UBE2G1: variants seen among roughly 807,000 people sequenced by gnomAD.
The protein encoded by UBE2G1 is ubiquitin-conjugating enzyme E2 G1.
UBE2G1 carries 5 observed loss-of-function variants against 22.7 expected under a neutral mutation model. That is an observed-to-expected ratio of 0.22 (90% CI 0.12 to 0.46). UBE2G1 has a LOEUF of 0.46. UBE2G1 is among the 20% of genes least tolerant of loss of function. The pLI is 0.99. For synonymous variants in UBE2G1, 74 were observed against 67.5 expected (o/e 1.10, Z -0.47); for missense variants, 88 against 203.9 (o/e 0.43, Z 3.46).
intron 3 of UBE2G1, among the ~76,000 whole-genome samples, chr17:4,290,959 C>T (rs1418741779): frequency 3.3e-5 from 5 of 152,114 alleles, no homozygotes; most frequent in African/African-American, 1.2e-4. Context: ...AGGCAAGGCC[C>T]GTGCCTTCAA....
chr17:4,338,755 A>G (rs976678930), intron 1 of UBE2G1, among the ~76,000 whole-genome samples: 2 of 152,228 alleles, frequency 1.3e-5, no homozygotes, highest in African/African-American at 4.8e-5. Context: ...GAGAGTCAAA[A>G]TATTTAACAG....
intron 4 of UBE2G1, among the ~76,000 whole-genome samples, chr17:4,284,180 C>A (rs1447589747): frequency 6.9e-6 from 1 of 145,114 alleles, no homozygotes; most frequent in Non-Finnish European, 1.5e-5. Flanking sequence ...AAAAAGAGGG[C>A]CTGAAAATAG....
At chr17:4,310,468 C>T (rs1046231015) in intron 1 of UBE2G1, among the ~76,000 whole-genome samples, 35 of 152,254 alleles carry the variant, frequency 2.3e-4, no homozygotes, top group Non-Finnish European at 4.6e-4. Context: ...AGAATCTGAA[C>T]CCTACTTTAG....
At chr17:4,357,488 C>G (rs1262135974) in intron 1 of UBE2G1, among the ~76,000 whole-genome samples, 1 of 92,632 alleles carries the variant, frequency 1.1e-5, no homozygotes, top group South Asian at 4.2e-4. Context: ...TGTCATCACT[C>G]GGTTGTGTGT....
chr17:4,354,552 G>T (rs1969883000), intron 1 of UBE2G1, among the ~76,000 whole-genome samples: 2 of 152,160 alleles, frequency 1.3e-5, no homozygotes, highest in Non-Finnish European at 2.9e-5. Context: ...AGGCTGAGAA[G>T]GAAAGGGCTC....
At chr17:4,311,969 G>T (rs995468621) in intron 1 of UBE2G1, among the ~76,000 whole-genome samples, 4 of 152,140 alleles carry the variant, frequency 2.6e-5, no homozygotes, top group African/African-American at 9.7e-5. Context: ...GAAATCTACT[G>T]GGCACGGTGG....
At chr17:4,305,305 AC>A (rs1282139379) in intron 2 of UBE2G1, among the ~76,000 whole-genome samples, 2 of 152,204 alleles carry the variant, frequency 1.3e-5, no homozygotes, top group Admixed American at 1.3e-4. Context: ...CTTACTTCTA[AC>A]AAACCTTTCT....
At chr17:4,283,286 G>A (rs919240424) in intron 4 of UBE2G1, among the ~76,000 whole-genome samples, 3 of 152,266 alleles carry the variant, frequency 2.0e-5, no homozygotes, top group African/African-American at 4.8e-5. Flanking sequence ...GCCGAGGTGG[G>A]CGGATCACGA....
chr17:4,366,553 G>T lies in UBE2G1; in HGVS notation c.-237C>A. 2.5e-6 allele frequency: 1 copy of T among 407,056 alleles called. No homozygotes were observed. Among genetic ancestry groups the T allele is most frequent in the Non-Finnish European group, 4.4e-6 (1 of 229,642 alleles). The allele number at this position is 407,056 out of a possible 1,614,324, so 25.2% of individuals were successfully genotyped here. A position where few individuals can be genotyped will look rare whatever the true frequency, so the allele number is the denominator to read the frequency against. On this transcript the variant is annotated 5_prime_UTR_variant, in exon 1 of 6. Coordinates refer to ENST00000396981, the MANE Select transcript of UBE2G1 (RefSeq NM_003342.5). ...AAGGGGAGGGTGCCCGGGCTGCCGC[G>T]GCGCGCACTGGGACTTCGCTCGCCC...
At chr17:4,346,431 C>CTTTTTTT (rs67852481) in intron 1 of UBE2G1, among the ~76,000 whole-genome samples, 23 of 120,522 alleles carry the variant, frequency 1.9e-4, no homozygotes, top group African/African-American at 4.5e-4. Context: ...TTTTCTTCTT[C>CTTTTTTT]TTTTTTTTTT....
chr17:4,345,908 A>G (rs900814974), intron 1 of UBE2G1: 2 of 152,228 alleles, frequency 1.3e-5, no homozygotes, highest in African/African-American at 4.8e-5. Flanking sequence ...CTACAGTTCT[A>G]TTCAAAATCA....
chr17:4,355,065 C>T (rs760498219), intron 1 of UBE2G1, among the ~76,000 whole-genome samples: 6 of 152,000 alleles, frequency 3.9e-5, no homozygotes, highest in Non-Finnish European at 8.8e-5. Flanking sequence ...GCACTCTAGT[C>T]CGGACAACAG....
intron 3 of UBE2G1, among the ~76,000 whole-genome samples, chr17:4,292,380 A>G (rs1969052985): frequency 6.6e-6 from 1 of 151,906 alleles, no homozygotes; most frequent in African/African-American, 2.4e-5. Context: ...TAAACAATGC[A>G]TATACTTCTA....
chr17:4,301,534 T>C (rs1252788145), intron 2 of UBE2G1: 7 of 1,283,896 alleles, frequency 5.5e-6, no homozygotes, highest in Non-Finnish European at 7.9e-6. Flanking sequence ...ATGAAATTCA[T>C]GCTGCTATAT....
At chr17:4,365,294 A>G (rs1010290734) in intron 1 of UBE2G1, among the ~76,000 whole-genome samples, 10 of 152,322 alleles carry the variant, frequency 6.6e-5, no homozygotes, top group Admixed American at 4.6e-4. Context: ...GTGGGGCTGC[A>G]TTGTGAAGCC....
At chr17:4,273,828 A>T (rs1052125172) in intron 5 of UBE2G1, among the ~76,000 whole-genome samples, 1 of 152,216 alleles carries the variant, frequency 6.6e-6, no homozygotes, top group African/African-American at 2.4e-5. Flanking sequence ...TGCCATGCAC[A>T]ATTTTGGGCA....
In UBE2G1 at chr17:4,285,237, CTG is replaced by C. The variant is rs563610569; in HGVS notation, c.427-2318_427-2317del. Among the ~76,000 whole-genome samples the C allele has an allele frequency of 2.1e-4, 32 of 152,090 alleles. 1 individual carries two copies. The South Asian group carries it at 6.4e-3, about 31-fold the overall frequency. On this transcript the variant is annotated intron_variant, in intron 4 of 5. Transcript: ENST00000396981. Reference sequence around the variant, plus strand: ...CAAATCAAAAAGAGTTCACACAACTCTGTGAAATTTCCAAAGACCAATCATAA... The same window carrying C: ...CAAATCAAAAAGAGTTCACACAACTCTGAAATTTCCAAAGACCAATCATAA...
rs987090576 is a variant in UBE2G1 at position 4,270,122 on chromosome 17, C to G, written c.*2432G>C. 6.6e-6 allele frequency: 1 copy of G among 152,468 alleles called. No homozygotes were observed. The highest frequency in any genetic ancestry group is 2.4e-5 in the African/African-American group (1 of 41,410). The allele number at this position is 152,468 out of a possible 1,614,324, so 9.4% of individuals were successfully genotyped here. A position where few individuals can be genotyped will look rare whatever the true frequency, so the allele number is the denominator to read the frequency against. On this transcript the variant is annotated 3_prime_UTR_variant, in exon 6 of 6. Coordinates refer to ENST00000396981, the MANE Select transcript of UBE2G1 (RefSeq NM_003342.5). ...CTCATGCCTGGCTCTCACTTCCACT[C>G]CCGTAGAGCTAGCCCTAAAAAAAAA...
intron 2 of UBE2G1, among the ~76,000 whole-genome samples, chr17:4,303,346 T>C (rs926318464): frequency 1.3e-5 from 2 of 152,190 alleles, no homozygotes; most frequent in African/African-American, 4.8e-5. Flanking sequence ...GAATTATAAT[T>C]GACATTTACA....
Sources: gnomAD v4.1 joint callset for allele counts (sites outside exome capture counted in the v4.1 genomes callset) on GRCh38, gnomAD v4.1.1 for gene constraint, MANE v1.5 for transcripts, NCBI Gene and HGNC (gene_info 2026-07-23, HGNC 2026-07-21) for gene names.